The following WIPF1 variants were observed in gnomAD, a reference collection of about 807,000 sequenced individuals.
WIPF1 encodes the protein WAS/WASL-interacting protein family member 1.
WIPF1 carries 13 observed loss-of-function variants against 35.4 expected under a neutral mutation model. That is an observed-to-expected ratio of 0.37 (90% CI 0.24 to 0.58). The LOEUF is 0.58. WIPF1 is among the 20% of genes least tolerant of loss of function. The pLI is 0.74. For missense variants in WIPF1, 591 were observed against 667.0 expected (o/e 0.89, Z 1.25); for synonymous variants, 267 against 266.3 (o/e 1.00, Z -0.02).
At chr2:174,678,980 A>G (rs993338012) in intron 1 of WIPF1, among the ~76,000 whole-genome samples, 1 of 152,220 alleles carries the variant, frequency 6.6e-6, no homozygotes, top group Non-Finnish European at 1.5e-5. Context: ...GTATTTACCT[A>G]TGGAGAAAGG....
rs181717135 is a variant in WIPF1, at chr2:174,642,628, T to G, written c.-39+40146A>C. 8.0e-3 allele frequency among the ~76,000 whole-genome samples: 1,205 copies of G among 150,958 alleles called. 20 individuals are homozygous for G. The highest frequency in any genetic ancestry group is 0.014 in the Admixed American group (212 of 15,254). ...TCCCAAAGTGCTGGGATTACAGGCA[T>G]GAGCCGCCGCGCCCGGCCTTTTTTG... On this transcript the variant is annotated intron_variant, in intron 1 of 8. Transcript: ENST00000272746.
chr2:174,668,283 G>A (rs1016368850), intron 1 of WIPF1, among the ~76,000 whole-genome samples: 3 of 152,194 alleles, frequency 2.0e-5, no homozygotes, highest in African/African-American at 7.2e-5. Flanking sequence ...ATTAGCCTTA[G>A]GCAAGCTACC....
intron 1 of WIPF1, among the ~76,000 whole-genome samples, chr2:174,639,868 T>C (rs1478061719): frequency 1.3e-5 from 2 of 152,230 alleles, no homozygotes; most frequent in Non-Finnish European, 2.9e-5. Flanking sequence ...TTAATCTATG[T>C]TGAGTTGATT....
rs1014453396 is a variant in WIPF1 at position 174,643,503 on chromosome 2, C to A, written c.-39+39271G>T. 6.1e-4 allele frequency among the ~76,000 whole-genome samples: 91 copies of A among 149,052 alleles called. 14 individuals carry two copies. The highest frequency in any genetic ancestry group is 2.3e-3 in the African/African-American group (87 of 38,438). On this transcript the variant is annotated intron_variant, in intron 1 of 8. Coordinates refer to the WIPF1 transcript ENST00000272746. ...TCTCAGCTCACTGCAACCTCCGCCT[C>A]CTGGGTCCAGGAGATTCTCGAGCCT...
chr2:174,624,339 T>C (rs1686763584), intron 1 of WIPF1, among the ~76,000 whole-genome samples: 1 of 152,202 alleles, frequency 6.6e-6, no homozygotes, highest in African/African-American at 2.4e-5. Flanking sequence ...AAAACATTAA[T>C]CAAAGTTGTG....
At chr2:174,643,829 G>C (rs1005994149) in intron 1 of WIPF1, among the ~76,000 whole-genome samples, 1 of 151,996 alleles carries the variant, frequency 6.6e-6, no homozygotes, top group African/African-American at 2.4e-5. Flanking sequence ...GTCTCATTTA[G>C]TATTTTTTTT....
chr2:174,670,221 C>T (rs867576474), intron 1 of WIPF1, among the ~76,000 whole-genome samples: 1 of 152,160 alleles, frequency 6.6e-6, no homozygotes. Flanking sequence ...TCTCTCCCTG[C>T]AGCTCAGAAC....
intron 1 of WIPF1, among the ~76,000 whole-genome samples, chr2:174,587,971 T>C (rs1305429687): frequency 6.6e-6 from 1 of 152,222 alleles, no homozygotes; most frequent in Non-Finnish European, 1.5e-5. Flanking sequence ...CTTTCTGGCA[T>C]GACATCAATT....
At chr2:174,582,222 A>T (rs1685264627) in intron 2 of WIPF1, among the ~76,000 whole-genome samples, 1 of 152,210 alleles carries the variant, frequency 6.6e-6, no homozygotes, top group African/African-American at 2.4e-5. Flanking sequence ...AACATGTCTG[A>T]TTATTTTCTT....
At position 174,561,667 on chromosome 2, in the gene WIPF1, AT is replaced by A. The variant is rs1159882116; in HGVS notation, c.*879del. 1 of 164,868 alleles carries A rather than the reference AT, an allele frequency of 6.1e-6. No homozygotes were observed. The highest frequency in any genetic ancestry group is 1.3e-5 in the Non-Finnish European group (1 of 74,872). 10.2% of individuals were successfully genotyped at this position (164,868 alleles called of 1,614,324 possible). A position where few individuals can be genotyped will look rare whatever the true frequency, so the allele number is the denominator to read the frequency against. ...GTGTCAAACAAGGTGCTGGGTCCTA[AT>A]TTTATTTTTAGTTGCCTCTTGAATC... On this transcript the variant is annotated 3_prime_UTR_variant, in exon 8 of 8. Coordinates refer to ENST00000679041, the MANE Select transcript of WIPF1 (RefSeq NM_001375834.1).
chr2:174,564,854 AT>A (rs1684603817), intron 7 of WIPF1, among the ~76,000 whole-genome samples: 3 of 124,634 alleles, frequency 2.4e-5, no homozygotes, highest in Non-Finnish European at 3.5e-5. Context: ...CACACACACC[AT>A]TCAAAGATAT....
At chr2:174,607,406 AAAAAT>A (rs1053613038) in intron 1 of WIPF1, among the ~76,000 whole-genome samples, 1 of 152,148 alleles carries the variant, frequency 6.6e-6, no homozygotes, top group Admixed American at 6.5e-5. Context: ...CCATCTCAAA[AAAAAT>A]AAAATAAAAT....
chr2:174,634,565 T>C (rs1687129763), intron 1 of WIPF1: 1 of 152,268 alleles, frequency 6.6e-6, no homozygotes, highest in Non-Finnish European at 1.5e-5. Flanking sequence ...CGAGTTCCCC[T>C]GCTGTCTTCT....
chr2:174,666,324 T>C (rs1349756130), intron 1 of WIPF1, among the ~76,000 whole-genome samples: 3 of 152,200 alleles, frequency 2.0e-5, no homozygotes, highest in Non-Finnish European at 4.4e-5. Flanking sequence ...CACTGTCTAT[T>C]TTGCCAGCCC....
intron 1 of WIPF1, among the ~76,000 whole-genome samples, chr2:174,595,109 A>AAAAAAATAT (rs1553529785): frequency 1.7e-5 from 1 of 57,750 alleles, no homozygotes; most frequent in South Asian, 8.2e-4. Context: ...AAAAAAAAAA[A>AAAAAAATAT]ATATATATAT....
At chr2:174,600,014 A>T (rs1014776363), upstream of WIPF1, among the ~76,000 whole-genome samples, 7 of 152,314 alleles carry the variant, frequency 4.6e-5, no homozygotes, top group East Asian at 5.8e-4. Flanking sequence ...TTAGATTCTC[A>T]TAAGGAGCTC....
chr2:174,650,606 C>G (rs188293076), intron 1 of WIPF1, among the ~76,000 whole-genome samples: 1 of 152,346 alleles, frequency 6.6e-6, no homozygotes, highest in Admixed American at 6.5e-5. Flanking sequence ...ATGATTGACT[C>G]TCTTTAGCTT....
intron 1 of WIPF1, among the ~76,000 whole-genome samples, chr2:174,611,536 C>T (rs777736905): frequency 2.6e-5 from 4 of 152,180 alleles, no homozygotes; most frequent in Non-Finnish European, 5.9e-5. Context: ...TCGTCCCTCT[C>T]TGGGGCTCCC....
At chr2:174,591,673 T>TACACACACACACACAC (rs71407131) in intron 1 of WIPF1, among the ~76,000 whole-genome samples, 36 of 146,818 alleles carry the variant, frequency 2.5e-4, no homozygotes, top group African/African-American at 8.3e-4. Flanking sequence ...CTTTGTTGCT[T>TACACACACACACACAC]ACACACACAC....
Sources: allele counts gnomAD v4.1 joint callset (sites outside exome capture counted in the v4.1 genomes callset), GRCh38; gene constraint gnomAD v4.1.1; transcripts MANE v1.5; gene names NCBI Gene and HGNC (gene_info 2026-07-23, HGNC 2026-07-21).